Variants in AATF observed in about 807,000 individuals in gnomAD.
AATF encodes apoptosis antagonizing transcription factor, also known as protein AATF.
Under a neutral mutation model 63.7 loss-of-function variants are expected in AATF, and 48 were observed. The observed-to-expected ratio is 0.75, with a 90% CI of 0.60 to 0.96. The LOEUF (loss-of-function observed/expected upper bound fraction) is 0.96, where lower values mean the gene tolerates loss of function less well. AATF is among the 40% of genes least tolerant of loss of function. The pLI is 0.00. For missense variants in AATF, 639 were observed against 685.7 expected, an observed-to-expected ratio of 0.93 and a Z score of 0.76; for synonymous variants, 258 against 247.7, an observed-to-expected ratio of 1.04 and a Z score of -0.39.
rs1277783199 is a variant in AATF at position 37,024,058 on chromosome 17, G to A, written c.1547+3044G>A. On this transcript the variant is annotated intron_variant, in intron 10 of 11. Coordinates refer to ENST00000619387, the MANE Select transcript of AATF (RefSeq NM_012138.4). ...AAAAAATTGGGACATATTCAATATAGACACAATCATTTATGTCTTAAGTAT... is the reference window on the plus strand; with the variant it reads ...AAAAAATTGGGACATATTCAATATAAACACAATCATTTATGTCTTAAGTAT... Among the ~76,000 whole-genome samples the A allele has an allele frequency of 2.0e-5, 3 of 152,186 alleles. No individual in the cohort carries two copies. The East Asian group carries it at 5.8e-4, about 29-fold the overall frequency.
intron 4 of AATF, among the ~76,000 whole-genome samples, chr17:36,975,448 C>A (rs1042186360): frequency 6.6e-6 from 1 of 152,128 alleles, no homozygotes; most frequent in Non-Finnish European, 1.5e-5. Context: ...CACTTTACTT[C>A]GTTTATCCCA....
At position 36,953,946 on chromosome 17, in the gene AATF, C is replaced by T. The variant is rs200958988; in HGVS notation, c.832+39C>T. The T allele has an allele frequency of 3.0e-3, 4,743 of 1,596,914 alleles. 14 individuals carry two copies. The highest frequency in any genetic ancestry group is 3.6e-3 in the Non-Finnish European group (4,233 of 1,171,924). On this transcript the variant is annotated intron_variant, in intron 4 of 11. Coordinates refer to ENST00000619387, the MANE Select transcript of AATF (RefSeq NM_012138.4). ...TGTCCTGTTGGAATACTTAGAACCA[C>T]TTTGTCAAATGAAGACAGCTTTGAT...
intron 8 of AATF, chr17:37,000,177 T>C (rs2071283473): frequency 1.3e-5 from 2 of 152,376 alleles, no homozygotes; most frequent in African/African-American, 2.4e-5. Context: ...AGGCAAGCGA[T>C]GGCAGTGGCT....
At chr17:36,954,702 G>C (rs1168778415) in intron 4 of AATF, among the ~76,000 whole-genome samples, 1 of 152,194 alleles carries the variant, frequency 6.6e-6, no homozygotes, top group Non-Finnish European at 1.5e-5. Flanking sequence ...TTTTACACAT[G>C]AGAGAATTAA....
chr17:37,044,524 A>G (rs1409994785), intron 11 of AATF, among the ~76,000 whole-genome samples: 2 of 152,118 alleles, frequency 1.3e-5, no homozygotes, highest in East Asian at 1.9e-4. Flanking sequence ...CTTTGTATAC[A>G]CTATAGGTTT....
chr17:37,018,125 A>G (rs1316042842), intron 8 of AATF, among the ~76,000 whole-genome samples: 1 of 152,226 alleles, frequency 6.6e-6, no homozygotes, highest in African/African-American at 2.4e-5. Flanking sequence ...TGCATATAGC[A>G]CTTATAGTTC....
rs573117979 is a variant in AATF at position 36,953,262 on chromosome 17, A to G, written c.660A>G (p.Glu220=). 65 of 1,614,052 alleles carry G rather than the reference A, an allele frequency of 4.0e-5. 1 individual carries two copies. In the South Asian group the frequency reaches 7.1e-4, roughly 18 times the overall value. Reference sequence around the variant, plus strand: ...TCTCTAGTGTCAAAGTTTCTGAGGAAGTGGAGAAAGGAAGAGCCGTGAAGA... The same window carrying G: ...TCTCTAGTGTCAAAGTTTCTGAGGAGGTGGAGAAAGGAAGAGCCGTGAAGA... The part of the protein sequence containing the change: ...MTFSSVKVSE[E]VEKGRAVKNQ... Residue 220 remains glutamate (E), a synonymous_variant, in exon 3 of 12, where the codon GAA becomes GAG. Coordinates refer to ENST00000619387, the MANE Select transcript of AATF (RefSeq NM_012138.4).
chr17:36,968,558 A>C (rs1001704529), intron 4 of AATF, among the ~76,000 whole-genome samples: 9 of 151,982 alleles, frequency 5.9e-5, no homozygotes, highest in African/African-American at 1.9e-4. Flanking sequence ...TTATAGGCGT[A>C]AGCTACCGTG....
At chr17:37,012,060 A>T (rs2071395547) in intron 8 of AATF, among the ~76,000 whole-genome samples, 1 of 145,306 alleles carries the variant, frequency 6.9e-6, no homozygotes, top group Non-Finnish European at 1.5e-5. Context: ...TTTGGGGATA[A>T]TTTTTTTTTT....
At chr17:37,016,114 G>A (rs569073431) in intron 8 of AATF, among the ~76,000 whole-genome samples, 2 of 152,218 alleles carry the variant, frequency 1.3e-5, no homozygotes, top group African/African-American at 4.8e-5. Flanking sequence ...TATTCACTCT[G>A]GGCATTTGGG....
At chr17:36,992,979 T>C (rs942026588) in intron 8 of AATF, among the ~76,000 whole-genome samples, 5 of 152,142 alleles carry the variant, frequency 3.3e-5, no homozygotes, top group South Asian at 4.1e-4. Flanking sequence ...CCGGAAGCAT[T>C]CCAGATTGCT....
At chr17:37,051,741 C>G (rs1343475308) in intron 11 of AATF, among the ~76,000 whole-genome samples, 3 of 151,114 alleles carry the variant, frequency 2.0e-5, no homozygotes, top group South Asian at 4.2e-4. Flanking sequence ...CACATTCTGT[C>G]TTTATGGAAA....
At chr17:37,051,626 A>G (rs1432545750) in intron 11 of AATF, among the ~76,000 whole-genome samples, 2 of 151,946 alleles carry the variant, frequency 1.3e-5, no homozygotes, top group Non-Finnish European at 2.9e-5. Context: ...TACAATGTGC[A>G]TACTTTAAGT....
chr17:37,002,911 T>G (rs953578279), intron 8 of AATF, among the ~76,000 whole-genome samples: 67 of 149,484 alleles, frequency 4.5e-4, no homozygotes, highest in African/African-American at 7.3e-4. Flanking sequence ...CTGTTTTTTT[T>G]TTTTTTTTTT....
At chr17:36,954,037 T>A in intron 4 of AATF, 130 bp downstream of exon 4, 2 of 555,484 alleles carry the variant, frequency 3.6e-6, no homozygotes, top group Non-Finnish European at 5.8e-6. Context: ...TGCTCTCCCC[T>A]CCCCATCCCC....
chr17:36,976,983 G>A (rs976180102), intron 4 of AATF, among the ~76,000 whole-genome samples: 1 of 152,098 alleles, frequency 6.6e-6, no homozygotes, highest in Non-Finnish European at 1.5e-5. Context: ...GGAGTAGCCC[G>A]ATTATCTTAT....
chr17:37,042,751 T>G (rs918200087), intron 11 of AATF, among the ~76,000 whole-genome samples: 5 of 149,566 alleles, frequency 3.3e-5, no homozygotes, highest in Admixed American at 6.7e-5. Flanking sequence ...TTTTTTTTTT[T>G]TTCTTTTTGA....
intron 4 of AATF, among the ~76,000 whole-genome samples, chr17:36,984,570 GC>G (rs545896359): frequency 2.4e-4 from 36 of 152,166 alleles, no homozygotes; most frequent in Non-Finnish European, 4.9e-4. Flanking sequence ...TGTCTAGTTA[GC>G]CCCTTGAGTA....
chr17:36,954,255 G>A (rs1239109233), intron 4 of AATF, among the ~76,000 whole-genome samples: 1 of 151,576 alleles, frequency 6.6e-6, no homozygotes, highest in African/African-American at 2.4e-5. Context: ...TGTAGAGAGG[G>A]ATATTTTGTA....
Sources: allele counts gnomAD v4.1 joint callset (sites outside exome capture counted in the v4.1 genomes callset), GRCh38; gene constraint gnomAD v4.1.1; transcripts MANE v1.5; gene names NCBI Gene and HGNC (gene_info 2026-07-23, HGNC 2026-07-21).